Variants in OBSL1 observed in about 807,000 individuals in gnomAD.
The protein encoded by OBSL1 is obscurin like cytoskeletal adaptor 1.
OBSL1 carries 160 observed loss-of-function variants against 172.0 expected under a neutral mutation model. That is an observed-to-expected ratio of 0.93 (90% confidence interval 0.82 to 1.06). The LOEUF (loss-of-function observed/expected upper bound fraction) is 1.06, where lower values mean the gene tolerates loss of function less well. Among genes scored for constraint, OBSL1 ranks in the 50% least tolerant of loss-of-function variants. The pLI, the probability that OBSL1 is intolerant of heterozygous loss-of-function variation, is 0.00. For missense variants in OBSL1, 2,681 were observed against 2,715.4 expected (o/e 0.99, Z 0.28); for synonymous variants, 1,200 against 1,196.3 (o/e 1.00, Z -0.06).
intron 7 of OBSL1, chr2:219,562,936 A>G (rs1388116389): frequency 5.5e-6 from 3 of 542,034 alleles, no homozygotes; most frequent in Non-Finnish European, 9.8e-6. Context: ...AACGCTCCAC[A>G]TTCTCTGGGT....
Position 219,554,727 on chromosome 2 carries a change from C to G in OBSL1, c.4623G>C (p.Arg1541Ser). Residue 1541 changes from arginine to serine, a missense_variant, in exon 15 of 21, where the codon AGG becomes AGC. Physicochemically the swap from Arg to Ser is moderately radical, Grantham distance 110. Transcript: ENST00000404537. The part of the protein sequence containing the change: ...ARLSVRPRQL[R>S]VLRPLEDVTI... ...TCACGTCCTCCAGAGGCCGCAGCAC[C>G]CTCAGCTGCCTCGCTGGCCGGGGGA... is the stretch of plus-strand genomic sequence containing the variant. The G allele has an allele frequency of 1.3e-6, 2 of 1,552,786 alleles. No individual in the cohort carries two copies. The highest frequency in any genetic ancestry group is 1.7e-6 in the Non-Finnish European group (2 of 1,146,364).
chr2:219,571,385 C>T lies in OBSL1; in HGVS notation c.-153G>A, dbSNP rs1697345705. Reference sequence around the variant, plus strand: ...TCCCGGGCCTCCCGCTCCCGGCTCGCCTCCTTACCCTCGGCCCCGAGCTGC... The same window carrying T: ...TCCCGGGCCTCCCGCTCCCGGCTCGTCTCCTTACCCTCGGCCCCGAGCTGC... On this transcript the variant is annotated 5_prime_UTR_variant, in exon 1 of 21. Coordinates refer to ENST00000404537, the MANE Select transcript of OBSL1 (RefSeq NM_015311.3). 1 of 401,692 alleles carries T rather than the reference C, an allele frequency of 2.5e-6. No individual in the cohort carries two copies. Among genetic ancestry groups the T allele is most frequent in the Non-Finnish European group, 4.1e-6 (1 of 243,206 alleles). The allele number at this position is 401,692 out of a possible 1,614,324, so 24.9% of individuals were successfully genotyped here.
rs758559138 is a variant in OBSL1, at chr2:219,556,645, T to C, written c.4145A>G (p.Glu1382Gly). Residue 1382 changes from glutamate to glycine, a missense_variant, in exon 13 of 21, where the codon GAA becomes GGA. Glu to Gly is a moderately conservative substitution (Grantham distance 98, BLOSUM62 -2). This residue lies in a region of OBSL1 where 1,765 missense variants were observed against 1,748.3 expected (regional missense o/e 1.01). Transcript: ENST00000404537. ...GACATCGGCATCTGGTGGGGAGACT[T>C]CACACCGGAACGTGGCATCATCGCC... ...HEGDDATFRC[E>G]VSPPDADVTW... 1.2e-6 allele frequency: 2 copies of C among 1,613,662 alleles called. No individual in the cohort carries two copies. Among genetic ancestry groups the C allele is most frequent in the Admixed American group, 3.3e-5 (2 of 60,020 alleles).
Position 219,557,420 on chromosome 2 carries a change from C to A in OBSL1, c.3989G>T (p.Gly1330Val). The change falls in exon 12 of 21, where the codon GGG becomes GTG. Residue 1330 changes from glycine to valine, a missense_variant. Physicochemically the swap from Gly to Val is moderately radical, Grantham distance 109. Coordinates refer to ENST00000404537, the MANE Select transcript of OBSL1 (RefSeq NM_015311.3). ...AGARQVLRVQ[G>V]ARSGDAGEYL... Reference sequence around the variant, plus strand: ...CTCCCCAGCGTCCCCGCTCCGTGCCCCCTGCACCCGCAGCACCTGCCTGGC... The same window carrying A: ...CTCCCCAGCGTCCCCGCTCCGTGCCACCTGCACCCGCAGCACCTGCCTGGC... 1 of 1,549,310 alleles carries A rather than the reference C, an allele frequency of 6.5e-7. No homozygotes were observed. The highest frequency in any genetic ancestry group is 2.4e-5 in the East Asian group (1 of 40,952).
chr2:219,567,463 G>A lies in OBSL1; in HGVS notation c.1647C>T (p.Phe549=), dbSNP rs772525962. 4.3e-6 allele frequency: 7 copies of A among 1,613,764 alleles called. No individual in the cohort carries two copies. The highest frequency in any genetic ancestry group is 1.1e-5 in the South Asian group (1 of 90,994). ...CTTCCTGCCGCTCCAGCCGGTAGAT[G>A]AATGGGGTCTCGGGAGCTGGCTCGG... The part of the protein sequence containing the change: ...KPPEPAPETP[F]IYRLERQEVG... The change falls in exon 4 of 21, where the codon TTC becomes TTT. Residue 549 remains phenylalanine, a synonymous_variant. Transcript: ENST00000404537.
chr2:219,557,268 G>A, intron 12 of OBSL1, 75 bp downstream of exon 12: 1 of 1,389,526 alleles, frequency 7.2e-7, no homozygotes, highest in Non-Finnish European at 9.4e-7. Context: ...GGGTGGAGGA[G>A]TAAGGGGGCC....
intron 8 of OBSL1, 64 bp from the exon 9 acceptor site, chr2:219,559,561 G>C: frequency 1.4e-6 from 2 of 1,470,982 alleles, no homozygotes; most frequent in Non-Finnish European, 1.9e-6. Context: ...GAGCCATTCG[G>C]CAGCATGAAG....
chr2:219,557,682 G>A (rs1696131624), intron 11 of OBSL1, 64 bp from the exon 12 acceptor site: 9 of 1,504,852 alleles, frequency 6.0e-6, no homozygotes, highest in African/African-American at 1.4e-5. Flanking sequence ...AGGGCACGGG[G>A]AGGCATGACG....
At chr2:219,566,358 G>A (rs1477525875) in intron 5 of OBSL1, among the ~76,000 whole-genome samples, 1 of 151,420 alleles carries the variant, frequency 6.6e-6, no homozygotes, top group Non-Finnish European at 1.5e-5. Flanking sequence ...CAGCCTGGGC[G>A]ACAGAGTGAG....
downstream of OBSL1, chr2:219,547,988 A>T: frequency 6.3e-7 from 1 of 1,587,562 alleles, no homozygotes; most frequent in Non-Finnish European, 8.5e-7. Flanking sequence ...CTGCTGGCGA[A>T]GCTGGGCCCT....
downstream of OBSL1, chr2:219,547,544 T>G: frequency 6.8e-7 from 1 of 1,460,142 alleles, no homozygotes; most frequent in South Asian, 1.5e-5. Flanking sequence ...TCTCACTGGG[T>G]TGCTGTTTGG....
At chr2:219,547,727 G>C (rs761312509), downstream of OBSL1, 1 of 1,586,444 alleles carries the variant, frequency 6.3e-7, no homozygotes, top group Admixed American at 1.7e-5. Context: ...CCTGCTGCTC[G>C]CAGCTGCTGC....
Position 219,571,419 on chromosome 2 carries a change from G to T in OBSL1, c.-187C>A. The T allele has an allele frequency of 3.1e-6, 1 of 322,026 alleles. No individual in the cohort carries two copies. Among genetic ancestry groups the T allele is most frequent in the South Asian group, 1.4e-4 (1 of 7,084 alleles). 19.9% of individuals were successfully genotyped at this position (322,026 alleles called of 1,614,324 possible). A position where few individuals can be genotyped will look rare whatever the true frequency, so the allele number is the denominator to read the frequency against. ...CCTCGGCCCCGAGCTGCAGCTCTGC[G>T]GCGGCGGCGGCGGCGATTCCCGGGC... On this transcript the variant is annotated 5_prime_UTR_variant, in exon 1 of 21. Coordinates refer to ENST00000404537, the MANE Select transcript of OBSL1 (RefSeq NM_015311.3).
Position 219,554,914 on chromosome 2 carries a change from C to CG in OBSL1, c.4610-175dup, listed in dbSNP as rs918782188. 1.1e-4 allele frequency: 69 copies of CG among 617,428 alleles called. No individual in the cohort carries two copies. In the Admixed American group the frequency reaches 1.9e-3, roughly 17 times the overall value. 38.2% of individuals were successfully genotyped at this position (617,428 alleles called of 1,614,324 possible). ...AAAGGAGCACGGTGGACAGATTTGG[C>CG]GGGGGGAGGGCTGTATCAGGGTTAG... On this transcript the variant is annotated intron_variant, in intron 14 of 20. Coordinates refer to ENST00000404537, the MANE Select transcript of OBSL1 (RefSeq NM_015311.3).
At chr2:219,549,930 TCCTGGCTTTGGCTGTCCCTCTCCCCAG>T, downstream of OBSL1, 1 of 1,564,552 alleles carries the variant, frequency 6.4e-7, no homozygotes, top group East Asian at 2.3e-5. Context: ...CCACTCAGCC[TCCTGGCTTTGGCTGTCCCTCTCCCCAG>T]CCTGGAGAGG....
Position 219,556,289 on chromosome 2 carries a change from GTC to G in OBSL1, c.4338_4339del (p.Glu1446AspfsTer107). The G allele has an allele frequency of 6.3e-7, 1 of 1,579,234 alleles. No homozygotes were observed. Among genetic ancestry groups the G allele is most frequent in the Non-Finnish European group, 8.6e-7 (1 of 1,159,392 alleles). On this transcript the variant is annotated frameshift_variant and splice_region_variant, in exon 14 of 21. Coordinates refer to ENST00000404537, the MANE Select transcript of OBSL1 (RefSeq NM_015311.3). LOFTEE classifies it high-confidence loss of function. ...CAACCGCCGTAGGAACAGCAGCTCT[GTC>G]TCTGGTGGGGAAGAAGGAGGCCATG... is the stretch of plus-strand genomic sequence containing the variant.
chr2:219,550,556 C>A, downstream of OBSL1: 1 of 503,852 alleles, frequency 2.0e-6, no homozygotes, highest in Non-Finnish European at 3.6e-6. Flanking sequence ...TGTTTTACAT[C>A]TTTTATAAAT....
chr2:219,547,439 C>T, downstream of OBSL1: 1 of 1,312,074 alleles, frequency 7.6e-7, no homozygotes, highest in South Asian at 2.5e-5. Context: ...TCCTTGACCC[C>T]TTGGACCTGC....
In OBSL1 at chr2:219,570,966, C is replaced by G; in HGVS notation, c.267G>C (p.Ala89=). 1 of 1,285,096 alleles carries G rather than the reference C, an allele frequency of 7.8e-7. No individual in the cohort carries two copies. The highest frequency in any genetic ancestry group is 9.8e-7 in the Non-Finnish European group (1 of 1,023,414). 79.6% of individuals were successfully genotyped at this position (1,285,096 alleles called of 1,614,324 possible). A position where few individuals can be genotyped will look rare whatever the true frequency, so the allele number is the denominator to read the frequency against. Reference sequence around the variant, plus strand: ...CGGCCGCCGCGTAGGCCTCGCCGGCCGCGTTGCGGGCGCGGCACACGTAGA... The same window carrying G: ...CGGCCGCCGCGTAGGCCTCGCCGGCGGCGTTGCGGGCGCGGCACACGTAGA... ...AGVYVCRARN[A]AGEAYAAAAV... Residue 89 remains alanine, a synonymous_variant, in exon 1 of 21, where the codon GCG becomes GCC. Coordinates refer to ENST00000404537, the MANE Select transcript of OBSL1 (RefSeq NM_015311.3).
Sources: gnomAD v4.1 joint callset for allele counts (sites outside exome capture counted in the v4.1 genomes callset) on GRCh38, gnomAD v4.1.1 for gene constraint, gnomAD v4.1.1 regional missense constraint, MANE v1.5 for transcripts, NCBI Gene and HGNC (gene_info 2026-07-23, HGNC 2026-07-21) for gene names.